NOCT: variants seen among roughly 807,000 people sequenced by gnomAD.
NOCT encodes the protein nocturnin, also known as CCR4 carbon catabolite repression 4-like.
In NOCT, 18 loss-of-function variants were observed where a neutral mutation model predicts 35.0. That is an observed-to-expected ratio of 0.51 (90% CI 0.36 to 0.76). The LOEUF (loss-of-function observed/expected upper bound fraction) is 0.76, where lower values mean the gene tolerates loss of function less well. Ranked by LOEUF, NOCT falls within the 30% of genes least tolerant of loss-of-function variation. The pLI is 0.01. For missense variants in NOCT, 479 were observed against 541.0 expected, an observed-to-expected ratio of 0.89 and a Z score of 1.14; for synonymous variants, 235 against 226.3, an observed-to-expected ratio of 1.04 and a Z score of -0.34.
Position 139,016,073 on chromosome 4 carries a change from CG to C in NOCT, c.93del (p.Leu32CysfsTer51). The C allele has an allele frequency of 7.2e-7, 1 of 1,389,694 alleles. No individual in the cohort carries two copies. The highest frequency in any genetic ancestry group is 9.3e-7 in the Non-Finnish European group (1 of 1,069,816). 86.1% of individuals were successfully genotyped at this position (1,389,694 alleles called of 1,614,324 possible). On this transcript the variant is annotated frameshift_variant, in exon 1 of 3. Transcript: ENST00000280614. LOFTEE classifies it high-confidence loss of function. ...RRLPAPGLRR[P>X]LSPPAAVPRP... ...CTGCCCGCCCCAGGGCTGCGCCGCC[CG>C]TTGTCCCCGCCGGCTGCTGTTCCCA...
At chr4:139,036,166 G>A (rs1726734699) in intron 1 of NOCT, among the ~76,000 whole-genome samples, 1 of 152,140 alleles carries the variant, frequency 6.6e-6, no homozygotes, top group Admixed American at 6.6e-5. Flanking sequence ...AGCTCCATGA[G>A]GGCAGATACT....
intron 1 of NOCT, among the ~76,000 whole-genome samples, chr4:139,033,459 C>T (rs1473811210): frequency 6.6e-6 from 1 of 151,832 alleles, no homozygotes; most frequent in East Asian, 1.9e-4. Context: ...TTGCTTGAAG[C>T]CAGGAGTTCA....
chr4:139,031,408 C>T (rs529489532), intron 1 of NOCT, among the ~76,000 whole-genome samples: 1 of 152,160 alleles, frequency 6.6e-6, no homozygotes, highest in African/African-American at 2.4e-5. Flanking sequence ...CTTGGCCTCC[C>T]AAAGTGCTGG....
intron 1 of NOCT, among the ~76,000 whole-genome samples, chr4:139,022,824 G>A (rs934381231): frequency 6.6e-6 from 1 of 152,198 alleles, no homozygotes; most frequent in Non-Finnish European, 1.5e-5. Flanking sequence ...CCCGGGTACC[G>A]TGGCTCATGC....
chr4:139,027,661 G>A (rs531157395), intron 1 of NOCT, among the ~76,000 whole-genome samples: 65 of 152,096 alleles, frequency 4.3e-4, no homozygotes, highest in Non-Finnish European at 7.1e-4. Flanking sequence ...CACTAAGCCC[G>A]GCTAATTTTT....
In NOCT at chr4:139,045,507, CTA is replaced by C. The variant is rs1726919521; in HGVS notation, c.*35_*36del. The C allele has an allele frequency of 1.5e-5, 6 of 411,232 alleles. No individual in the cohort carries two copies. The highest frequency in any genetic ancestry group is 4.1e-5 in the African/African-American group (1 of 24,592). 25.5% of individuals were successfully genotyped at this position (411,232 alleles called of 1,614,324 possible). A position where few individuals can be genotyped will look rare whatever the true frequency, so the allele number is the denominator to read the frequency against. The stretch of plus-strand genomic sequence containing the variant: ...CTTTTGTCTTTTTAATCACAGGAGT[CTA>C]TTTTTTTTTTTTTTTTTTTTTTTTT... On this transcript the variant is annotated 3_prime_UTR_variant, in exon 3 of 3. Coordinates refer to ENST00000280614, the MANE Select transcript of NOCT (RefSeq NM_012118.4).
intron 1 of NOCT, among the ~76,000 whole-genome samples, chr4:139,035,950 C>T (rs930676992): frequency 3.9e-5 from 6 of 152,130 alleles, no homozygotes; most frequent in Admixed American, 3.3e-4. Flanking sequence ...TACCACCTCC[C>T]GGTCTCTGCT....
chr4:139,020,929 G>T (rs1157699121), intron 1 of NOCT, among the ~76,000 whole-genome samples: 2 of 151,888 alleles, frequency 1.3e-5, no homozygotes, highest in African/African-American at 4.8e-5. Context: ...AGCCAAGTGT[G>T]GTGGTGCACA....
At position 139,045,037 on chromosome 4, in the gene NOCT, C is replaced by CT. The variant is rs1726906472; in HGVS notation, c.860dup (p.Ala289SerfsTer15). 6.2e-7 allele frequency: 1 copy of CT among 1,614,086 alleles called. No homozygotes were observed. The highest frequency in any genetic ancestry group is 8.5e-7 in the Non-Finnish European group (1 of 1,180,048). On this transcript the variant is annotated frameshift_variant, in exon 3 of 3. Coordinates refer to ENST00000280614, the MANE Select transcript of NOCT (RefSeq NM_012118.4). LOFTEE classifies it high-confidence loss of function. Reference sequence around the variant, plus strand: ...ACAGTTCTGCATCGCTGTTACCCATCTAAAAGCACGCACTGGCTGGGAGCG... The same window carrying CT: ...ACAGTTCTGCATCGCTGTTACCCATCTTAAAAGCACGCACTGGCTGGGAGCG...
chr4:139,045,357 T>A lies in NOCT; in HGVS notation c.1179T>A (p.Asp393Glu). ...KHALNVRSAL[D>E]LLTEEQIGPN... is the part of the protein sequence containing the mutation. The stretch of plus-strand genomic sequence containing the variant: ...CTCTAAATGTAAGGTCAGCTCTCGA[T>A]CTGCTCACTGAAGAACAGATTGGAC... Residue 393 changes from aspartate (D) to glutamate (E), a missense_variant, in exon 3 of 3, where the codon GAT becomes GAA. Transcript: ENST00000280614. The A allele has an allele frequency of 2.5e-6, 4 of 1,614,104 alleles. No homozygotes were observed. Among genetic ancestry groups the A allele is most frequent in the Non-Finnish European group, 3.4e-6 (4 of 1,179,970 alleles).
chr4:139,020,447 G>A (rs1726387704), intron 1 of NOCT, among the ~76,000 whole-genome samples: 1 of 152,170 alleles, frequency 6.6e-6, no homozygotes. Flanking sequence ...TTGCGGGGTG[G>A]TGGGGGCAGG....
At position 139,026,851 on chromosome 4, in the gene NOCT, CTTTTTTTTTTCTTTTTTT is replaced by C. The variant is rs1291006973; in HGVS notation, c.190+10691_190+10708del. 6.4e-3 allele frequency among the ~76,000 whole-genome samples: 924 copies of C among 144,046 alleles called. 26 individuals are homozygous for C. The highest frequency in any genetic ancestry group is 0.023 in the African/African-American group (874 of 37,846). 94.5% of individuals were successfully genotyped at this position (144,046 alleles called of 152,430 possible). On this transcript the variant is annotated intron_variant, in intron 1 of 2. Coordinates refer to ENST00000280614, the MANE Select transcript of NOCT (RefSeq NM_012118.4). ...ACAGGTGTGAGCCACCATCCCTGGC[CTTTTTTTTTTCTTTTTTT>C]TTTTTTTTTTTTTTTTTTTTTTTTG... is the stretch of plus-strand genomic sequence containing the variant.
rs1726905078 is a variant in NOCT, at chr4:139,044,980, G to A, written c.802G>A (p.Ala268Thr). 6.2e-7 allele frequency: 1 copy of A among 1,614,234 alleles called. No homozygotes were observed. ...MTLKTNQVAIAQTLECKESGR... is the reference protein window; with the variant it reads ...MTLKTNQVAITQTLECKESGR... ...ATTGAAAACCAACCAGGTGGCCATT[G>A]CACAGACCCTGGAGTGCAAGGAGTC... is the stretch of plus-strand genomic sequence containing the variant. Residue 268 changes from alanine to threonine, a missense_variant, in exon 3 of 3, where the codon GCA becomes ACA. This residue lies in a region of NOCT where 214 missense variants were observed against 284.0 expected (regional missense o/e 0.75). Transcript: ENST00000280614.
At chr4:139,018,103 A>G (rs543245545) in intron 1 of NOCT, among the ~76,000 whole-genome samples, 2 of 127,818 alleles carry the variant, frequency 1.6e-5, no homozygotes, top group South Asian at 2.6e-4. Context: ...CCCACCCCCA[A>G]TTTCGTAGGA....
intron 1 of NOCT, among the ~76,000 whole-genome samples, chr4:139,028,717 AGTT>A (rs1438643627): frequency 6.6e-6 from 1 of 152,168 alleles, no homozygotes; most frequent in Non-Finnish European, 1.5e-5. Flanking sequence ...CCCCCTTACT[AGTT>A]GTTCAATCTA....
intron 1 of NOCT, among the ~76,000 whole-genome samples, chr4:139,029,366 C>G (rs1359281808): frequency 6.6e-6 from 1 of 152,138 alleles, no homozygotes; most frequent in African/African-American, 2.4e-5. Flanking sequence ...AACAGTGGAG[C>G]CAGGATTTGG....
At chr4:139,037,167 G>C (rs569685502) in intron 1 of NOCT, among the ~76,000 whole-genome samples, 1 of 152,288 alleles carries the variant, frequency 6.6e-6, no homozygotes, top group South Asian at 2.1e-4. Flanking sequence ...AAGGTCTAAG[G>C]GGACAGAGAC....
chr4:139,038,330 A>T (rs111409066), intron 1 of NOCT, among the ~76,000 whole-genome samples: 1 of 152,210 alleles, frequency 6.6e-6, no homozygotes. Flanking sequence ...GTCACGCTGC[A>T]GTATATCCTG....
At chr4:139,020,708 C>T (rs901221374) in intron 1 of NOCT, among the ~76,000 whole-genome samples, 1 of 152,144 alleles carries the variant, frequency 6.6e-6, no homozygotes, top group Non-Finnish European at 1.5e-5. Context: ...CCCCTCCTTT[C>T]CCCAAAGGTA....
Sources: allele counts gnomAD v4.1 joint callset (sites outside exome capture counted in the v4.1 genomes callset), GRCh38; gene constraint gnomAD v4.1.1; regional missense constraint gnomAD v4.1.1; transcripts MANE v1.5; gene names NCBI Gene and HGNC (gene_info 2026-07-23, HGNC 2026-07-21).